IL1RAPL1: variants seen among roughly 807,000 people sequenced by gnomAD.
IL1RAPL1 encodes the protein interleukin 1 receptor accessory protein like 1.
Under a neutral mutation model 48.4 loss-of-function variants are expected in IL1RAPL1, and 3 were observed. That is an observed-to-expected ratio of 0.06 (90% confidence interval 0.03 to 0.16). IL1RAPL1 has a LOEUF of 0.16. Ranked by LOEUF, IL1RAPL1 falls within the 10% of genes least tolerant of loss-of-function variation. The pLI is 1.00. For synonymous variants in IL1RAPL1, 185 were observed against 187.7 expected, an observed-to-expected ratio of 0.99 and a Z score of 0.12; for missense variants, 349 against 530.6, an observed-to-expected ratio of 0.66 and a Z score of 3.36.
intron 1 of IL1RAPL1, among the ~76,000 whole-genome samples, chrX:28,636,821 A>G (rs1380831024): frequency 8.9e-6 from 1 of 111,979 alleles, no homozygotes; most frequent in Non-Finnish European, 1.9e-5. Context: ...ACTGATCACA[A>G]CTGGGTCAAT....
rs1838142496 is a variant in IL1RAPL1, at chrX:29,886,370, T to G, written c.779-31094T>G. 3.6e-5 allele frequency among the ~76,000 whole-genome samples: 4 copies of G among 112,360 alleles called. No individual in the cohort carries two copies. In the Admixed American group the frequency reaches 3.8e-4, roughly 11 times the overall value. ...CTGTGGCTTATAGAACCTCTTGCTT[T>G]GTGCATATGTTTTGCCCCTCTATTT... On this transcript the variant is annotated intron_variant, in intron 6 of 10. Transcript: ENST00000378993.
At chrX:29,562,034 T>TTCTATCTA (rs61324448) in intron 5 of IL1RAPL1, among the ~76,000 whole-genome samples, 67 of 93,064 alleles carry the variant, frequency 7.2e-4, no homozygotes, top group Middle Eastern at 0.011. Context: ...TCTTTTTCAA[T>TTCTATCTA]TCTATCTATC....
At chrX:28,660,633 C>T (rs1379477178) in intron 1 of IL1RAPL1, among the ~76,000 whole-genome samples, 2 of 111,627 alleles carry the variant, frequency 1.8e-5, no homozygotes, top group Non-Finnish European at 3.8e-5. Flanking sequence ...GAACTAGGTA[C>T]TTTGAGAATT....
At chrX:29,593,544 G>A (rs756934051) in intron 5 of IL1RAPL1, among the ~76,000 whole-genome samples, 6 of 111,475 alleles carry the variant, frequency 5.4e-5, no homozygotes, top group East Asian at 5.6e-4. Context: ...TTAATATCTC[G>A]TACAGTGGAG....
In IL1RAPL1 at chrX:28,648,381, C is replaced by T. The variant is rs140456931; in HGVS notation, c.-25+60334C>T. On this transcript the variant is annotated intron_variant, in intron 1 of 10. Transcript: ENST00000378993. ...ACCATGACTATGTTACTTTGACTAT[C>T]TGTGCCTCAATTTCCTCATACATTA... is the stretch of plus-strand genomic sequence containing the variant. 1.1e-3 allele frequency among the ~76,000 whole-genome samples: 125 copies of T among 111,987 alleles called. 2 individuals are homozygous for T. The East Asian group carries it at 0.034, about 30-fold the overall frequency.
chrX:29,215,342 CAA>C (rs748922177), intron 2 of IL1RAPL1, among the ~76,000 whole-genome samples: 15 of 65,906 alleles, frequency 2.3e-4, no homozygotes, highest in Admixed American at 1.9e-4. Flanking sequence ...GACTCTGTCT[CAA>C]AAAAAAAAAA....
intron 2 of IL1RAPL1, among the ~76,000 whole-genome samples, chrX:29,107,552 G>C (rs1315593398): frequency 9.0e-6 from 1 of 111,600 alleles, no homozygotes; most frequent in Non-Finnish European, 1.9e-5. Context: ...GGATTTAGCA[G>C]TAAGTGCTTT....
chrX:29,047,153 A>G (rs1926989242), intron 2 of IL1RAPL1, among the ~76,000 whole-genome samples: 1 of 112,499 alleles, frequency 8.9e-6, no homozygotes, highest in South Asian at 3.7e-4. Context: ...TTTCATTTCA[A>G]ATACATTCTT....
intron 1 of IL1RAPL1, among the ~76,000 whole-genome samples, chrX:28,594,048 A>G (rs757337564): frequency 5.4e-5 from 6 of 111,832 alleles, no homozygotes; most frequent in Non-Finnish European, 9.4e-5. Context: ...TTTGAAATGC[A>G]TGGTTTATTC....
At chrX:29,327,690 A>G (rs1932851742) in intron 3 of IL1RAPL1, among the ~76,000 whole-genome samples, 1 of 107,052 alleles carries the variant, frequency 9.3e-6, no homozygotes, top group South Asian at 4.2e-4. Context: ...TTTAAACTTC[A>G]GGTTATTTAG....
intron 2 of IL1RAPL1, among the ~76,000 whole-genome samples, chrX:28,988,813 T>C (rs376970705): frequency 6.2e-5 from 7 of 112,275 alleles, no homozygotes; most frequent in South Asian, 7.4e-4. Flanking sequence ...ATATCTCTTA[T>C]AGCACACATG....
intron 6 of IL1RAPL1, among the ~76,000 whole-genome samples, chrX:29,865,786 G>A (rs1931681145): frequency 1.9e-5 from 2 of 103,731 alleles, no homozygotes; most frequent in East Asian, 3.1e-4. Flanking sequence ...ACAGGTGCAC[G>A]CCACCACGCC....
At chrX:29,184,593 C>T (rs780952305) in intron 2 of IL1RAPL1, among the ~76,000 whole-genome samples, 2 of 111,047 alleles carry the variant, frequency 1.8e-5, no homozygotes, top group African/African-American at 3.3e-5. Flanking sequence ...CTCTGCCTCC[C>T]GGATTCAAGT....
At chrX:29,953,207 A>G (rs1414748273) in intron 9 of IL1RAPL1, among the ~76,000 whole-genome samples, 1 of 112,000 alleles carries the variant, frequency 8.9e-6, no homozygotes, top group East Asian at 2.8e-4. Flanking sequence ...CTAATCATCA[A>G]GTAATACACT....
chrX:29,268,913 T>C (rs1039765902), intron 2 of IL1RAPL1, among the ~76,000 whole-genome samples: 1 of 112,118 alleles, frequency 8.9e-6, no homozygotes, highest in African/African-American at 3.2e-5. Flanking sequence ...CAAATATTGT[T>C]GGTTGTCTGA....
intron 1 of IL1RAPL1, among the ~76,000 whole-genome samples, chrX:28,596,670 C>T (rs1338069105): frequency 8.9e-6 from 1 of 112,119 alleles, no homozygotes; most frequent in Non-Finnish European, 1.9e-5. Flanking sequence ...GACCTATGTA[C>T]ATCCTCCTGT....
At position 29,926,532 on chromosome X, in the gene IL1RAPL1, T is replaced by C. The variant is rs1218357515; in HGVS notation, c.1057+6438T>C. Among the ~76,000 whole-genome samples, 9 of 112,367 alleles carry C rather than the reference T, an allele frequency of 8.0e-5. No homozygotes were observed. The South Asian group carries it at 3.3e-3, about 42-fold the overall frequency. On this transcript the variant is annotated intron_variant, in intron 8 of 10. Coordinates refer to ENST00000378993, the MANE Select transcript of IL1RAPL1 (RefSeq NM_014271.4). ...TCTTGATACAGATCTTTAACTAGTA[T>C]TTCTCTCTTACATGCTTCAAAGTAC...
At chrX:29,560,935 T>C (rs138994507) in intron 5 of IL1RAPL1, among the ~76,000 whole-genome samples, 1,510 of 111,989 alleles carry the variant, frequency 0.013, 30 homozygotes, top group African/African-American at 0.047. Flanking sequence ...TTCATGTTCC[T>C]TGGAGTTTTG....
intron 6 of IL1RAPL1, among the ~76,000 whole-genome samples, chrX:29,897,032 G>A (rs1932398151): frequency 8.9e-6 from 1 of 112,538 alleles, no homozygotes; most frequent in African/African-American, 3.2e-5. Context: ...AATACAATGC[G>A]TACTTTCAGA....
Sources: gnomAD v4.1 joint callset for allele counts (sites outside exome capture counted in the v4.1 genomes callset) on GRCh38, gnomAD v4.1.1 for gene constraint, MANE v1.5 for transcripts, NCBI Gene and HGNC (gene_info 2026-07-23, HGNC 2026-07-21) for gene names.